Variants in DENND2B observed in about 807,000 individuals in gnomAD.
DENND2B encodes the protein DENN domain containing 2B, also known as DENN domain-containing protein 2B.
DENND2B carries 32 observed loss-of-function variants against 116.0 expected under a neutral mutation model. That is an observed-to-expected ratio of 0.28 (90% CI 0.21 to 0.37). The LOEUF (loss-of-function observed/expected upper bound fraction) is 0.37, where lower values mean the gene tolerates loss of function less well. Ranked by LOEUF, DENND2B falls within the 10% of genes least tolerant of loss-of-function variation. The pLI is 1.00. For synonymous variants in DENND2B, 588 were observed against 583.9 expected (o/e 1.01, Z -0.10); for missense variants, 1,276 against 1,477.7 (o/e 0.86, Z 2.24).
intron 3 of DENND2B, among the ~76,000 whole-genome samples, chr11:8,855,578 G>A (rs1332057030): frequency 6.6e-6 from 1 of 151,884 alleles, no homozygotes; most frequent in African/African-American, 2.4e-5. Context: ...ACCAAGTGCT[G>A]TGCACCCTGT....
intron 2 of DENND2B, among the ~76,000 whole-genome samples, chr11:8,734,608 C>G (rs1382215268): frequency 6.6e-6 from 1 of 151,732 alleles, no homozygotes; most frequent in Admixed American, 6.6e-5. Flanking sequence ...GCCAACATGG[C>G]GAAACCCAGT....
chr11:8,845,191 A>G (rs1168254202), intron 3 of DENND2B: 1 of 152,238 alleles, frequency 6.6e-6, no homozygotes, highest in Non-Finnish European at 1.5e-5. Flanking sequence ...TTCAAAATGC[A>G]TTAATTTTTC....
chr11:8,874,388 C>G (rs1468065684), upstream of DENND2B, among the ~76,000 whole-genome samples: 1 of 152,214 alleles, frequency 6.6e-6, no homozygotes, highest in Non-Finnish European at 1.5e-5. Context: ...CAAAATAGAA[C>G]TTGACATCAC....
chr11:8,698,268 G>C (rs990141042), intron 16 of DENND2B, among the ~76,000 whole-genome samples: 1 of 151,928 alleles, frequency 6.6e-6, no homozygotes, highest in African/African-American at 2.4e-5. Context: ...CTCCAGGCAG[G>C]AGGCACAGTT....
intron 1 of DENND2B, among the ~76,000 whole-genome samples, chr11:8,895,755 GT>G (rs1244708029): frequency 6.6e-6 from 1 of 151,996 alleles, no homozygotes; most frequent in African/African-American, 2.4e-5. Context: ...TATTTTGTGT[GT>G]TTTTTTATTT....
chr11:8,699,435 G>A (rs760648545), intron 14 of DENND2B, 45 bp from the exon 15 acceptor site: 4 of 1,540,788 alleles, frequency 2.6e-6, no homozygotes, highest in Non-Finnish European at 3.5e-6. Flanking sequence ...CCAGGCCCAG[G>A]AACTTAGAGC....
chr11:8,801,298 T>G (rs1463761501), intron 1 of DENND2B, among the ~76,000 whole-genome samples: 1 of 152,130 alleles, frequency 6.6e-6, no homozygotes. Context: ...ACTGCTCTGC[T>G]GATACCGTCT....
rs753755540 is a variant in DENND2B, at chr11:8,696,579, T to G, written c.3140A>C (p.Gln1047Pro). Residue 1047 changes from glutamine (Q) to proline (P), a missense_variant, in exon 18 of 20, where the codon CAG becomes CCG. Physicochemically the swap from Gln to Pro is moderately conservative, Grantham distance 76. Coordinates refer to ENST00000313726, the MANE Select transcript of DENND2B (RefSeq NM_213618.2). ...AAAGGCCCTCTCTCCCTTCTCACTC[T>G]GTGTCAGAAAGAGGGAGTAGTGCCC... Reference protein sequence around the residue: ...TVGHYSLFLTQSEKGERAFQR... With the variant: ...TVGHYSLFLTPSEKGERAFQR... The G allele has an allele frequency of 6.2e-7, 1 of 1,614,180 alleles. No homozygotes were observed. The highest frequency in any genetic ancestry group is 8.5e-7 in the Non-Finnish European group (1 of 1,180,034).
At chr11:8,883,122 T>A (rs1450982996) in intron 1 of DENND2B, among the ~76,000 whole-genome samples, 1 of 152,244 alleles carries the variant, frequency 6.6e-6, no homozygotes, top group Non-Finnish European at 1.5e-5. Context: ...TTAAATCATC[T>A]GCTCACCCAG....
At chr11:8,823,562 T>C (rs956081606) in intron 4 of DENND2B, among the ~76,000 whole-genome samples, 1 of 152,150 alleles carries the variant, frequency 6.6e-6, no homozygotes, top group African/African-American at 2.4e-5. Context: ...TCCCCCACGC[T>C]GTTTTCATGA....
intron 1 of DENND2B, among the ~76,000 whole-genome samples, chr11:8,888,920 T>C (rs1447083599): frequency 2.0e-5 from 3 of 151,724 alleles, no homozygotes; most frequent in Non-Finnish European, 4.4e-5. Context: ...AAAGGCAAAA[T>C]AAAAGTAACA....
rs547003334 is a variant in DENND2B, at chr11:8,719,177, G to A, written c.1478-1285C>T. ...TGGAGGACGAGGAACAAAGGCTGCTGAGAGTGAAGCTTTCCTAGAGAGGAC... is the reference window on the plus strand; with the variant it reads ...TGGAGGACGAGGAACAAAGGCTGCTAAGAGTGAAGCTTTCCTAGAGAGGAC... On this transcript the variant is annotated intron_variant, in intron 4 of 19. Coordinates refer to ENST00000313726, the MANE Select transcript of DENND2B (RefSeq NM_213618.2). 3.0e-6 allele frequency: 3 copies of A among 985,578 alleles called. No homozygotes were observed. The African/African-American group carries it at 5.2e-5, about 17-fold the overall frequency. 61.1% of individuals were successfully genotyped at this position (985,578 alleles called of 1,614,324 possible).
intron 2 of DENND2B, among the ~76,000 whole-genome samples, chr11:8,744,573 G>A (rs909117171): frequency 1.7e-4 from 26 of 152,182 alleles, no homozygotes; most frequent in African/African-American, 5.6e-4. Flanking sequence ...GCAATAATGA[G>A]CTACTTCTAT....
intron 3 of DENND2B, among the ~76,000 whole-genome samples, chr11:8,846,919 T>C (rs1383655053): frequency 2.6e-5 from 4 of 152,236 alleles, no homozygotes; most frequent in African/African-American, 9.6e-5. Context: ...TCCCACAGGG[T>C]GACCCCTCAA....
chr11:8,876,957 CTG>C (rs2134721163), intron 2 of DENND2B, among the ~76,000 whole-genome samples: 1 of 141,638 alleles, frequency 7.1e-6, no homozygotes, highest in Admixed American at 7.2e-5. Context: ...CAGGCTGGAT[CTG>C]AGAGTAAATG....
chr11:8,710,097 C>G (rs1449698761), intron 11 of DENND2B, among the ~76,000 whole-genome samples: 2 of 152,162 alleles, frequency 1.3e-5, no homozygotes, highest in Admixed American at 1.3e-4. Flanking sequence ...TTCATCTACC[C>G]CTAGACTGGT....
rs778673206 is a variant in DENND2B, at chr11:8,696,587, A to G, written c.3132T>C (p.Phe1044=). 1.0e-4 allele frequency: 165 copies of G among 1,614,062 alleles called. No homozygotes were observed. Among genetic ancestry groups the G allele is most frequent in the Non-Finnish European group, 1.4e-4 (160 of 1,180,036 alleles). The change falls in exon 18 of 20, where the codon TTT becomes TTC. Residue 1044 remains phenylalanine (F), a synonymous_variant. Transcript: ENST00000313726. ...TCTCTCCCTTCTCACTCTGTGTCAG[A>G]AAGAGGGAGTAGTGCCCAACGGTCT... ...FVETVGHYSL[F]LTQSEKGERA...
intron 2 of DENND2B, among the ~76,000 whole-genome samples, chr11:8,880,440 C>A (rs1262436260): frequency 4.6e-5 from 7 of 151,082 alleles, no homozygotes; most frequent in African/African-American, 1.7e-4. Context: ...CCTCAGCTTT[C>A]CAGAATAGAG....
At chr11:8,819,012 AC>A (rs2061672463) in intron 4 of DENND2B, among the ~76,000 whole-genome samples, 1 of 152,164 alleles carries the variant, frequency 6.6e-6, no homozygotes, top group Non-Finnish European at 1.5e-5. Context: ...CCAGCTACTA[AC>A]CTCATTATTA....
Sources: allele counts gnomAD v4.1 joint callset (sites outside exome capture counted in the v4.1 genomes callset), GRCh38; gene constraint gnomAD v4.1.1; transcripts MANE v1.5; gene names NCBI Gene and HGNC (gene_info 2026-07-23, HGNC 2026-07-21).